Variants in PTPA observed in about 807,000 individuals in gnomAD.
PTPA encodes protein phosphatase 2 phosphatase activator.
A neutral mutation model predicts 43.6 loss-of-function variants in PTPA; 13 were observed. That is an observed-to-expected ratio of 0.30 (90% confidence interval 0.19 to 0.47). The LOEUF (loss-of-function observed/expected upper bound fraction) is 0.47, where lower values mean the gene tolerates loss of function less well. Among genes scored for constraint, PTPA ranks in the 20% least tolerant of loss-of-function variants. The pLI is 0.99. For missense variants in PTPA, 329 were observed against 411.9 expected (o/e 0.80, Z 1.74); for synonymous variants, 172 against 158.2 (o/e 1.09, Z -0.66).
intron 8 of PTPA, among the ~76,000 whole-genome samples, chr9:129,140,555 T>A (rs1361376389): frequency 6.6e-6 from 1 of 152,220 alleles, no homozygotes. Context: ...TAGGCGAGGC[T>A]GGCCAGGAGG....
chr9:129,110,954 A>T (rs540751666), upstream of PTPA: 2 of 1,361,010 alleles, frequency 1.5e-6, no homozygotes, highest in East Asian at 9.0e-5. This position sits in a 1 kb window ranked among gnomAD's most constrained non-coding sequence, Gnocchi z 5.3. Context: ...CGAGTCATTG[A>T]GACCTGTGGA....
At chr9:129,127,411 T>C (rs2541166) in intron 3 of PTPA, among the ~76,000 whole-genome samples, 151,723 of 152,342 alleles carry the variant, frequency 1, 75,560 homozygotes, top group Middle Eastern at 1. Context: ...CTGCTAGTTC[T>C]TACCCAGTGC....
chr9:129,140,503 G>A (rs559031022), intron 8 of PTPA, among the ~76,000 whole-genome samples: 6 of 152,342 alleles, frequency 3.9e-5, no homozygotes, highest in African/African-American at 1.2e-4. Flanking sequence ...CCTAGCCCTG[G>A]CTCTGCCAGA....
At position 129,120,709 on chromosome 9, in the gene PTPA, G is replaced by T. The variant is rs1180216000; in HGVS notation, c.129+99G>T. On this transcript the variant is annotated intron_variant, in intron 2 of 9. Transcript: ENST00000393370. ...GTTCCTGGCCCTTCTTGCTCTTGGA[G>T]CCTGACTTTTCAGAAGCTAGGGAGA... 3 of 1,049,734 alleles carry T rather than the reference G, an allele frequency of 2.9e-6. No homozygotes were observed. In the Admixed American group the frequency reaches 6.8e-5, roughly 24 times the overall value. 65.0% of individuals were successfully genotyped at this position (1,049,734 alleles called of 1,614,324 possible).
chr9:129,112,380 A>G (rs1449601142), intron 1 of PTPA, among the ~76,000 whole-genome samples: 1 of 152,222 alleles, frequency 6.6e-6, no homozygotes, highest in Admixed American at 6.5e-5. Context: ...AGGACTGGCC[A>G]TAGATAACTT....
At chr9:129,146,325 C>T (rs951588656) in intron 9 of PTPA, among the ~76,000 whole-genome samples, 2 of 152,194 alleles carry the variant, frequency 1.3e-5, no homozygotes, top group Non-Finnish European at 2.9e-5. Flanking sequence ...TCTTTCCCTC[C>T]CCTCCTGGCG....
chr9:129,119,171 A>T (rs1192028107), intron 1 of PTPA: 3 of 159,940 alleles, frequency 1.9e-5, no homozygotes, highest in South Asian at 1.4e-4. Context: ...TAATTTTTAA[A>T]TTTTTTTTGT....
intron 4 of PTPA, 111 bp from the exon 5 acceptor site, chr9:129,131,411 G>A: frequency 1.1e-6 from 1 of 873,670 alleles, no homozygotes; most frequent in Non-Finnish European, 1.9e-6. Flanking sequence ...CAGGAACCAA[G>A]CTGGCCTGGC....
In PTPA at chr9:129,142,512, C is replaced by T. The variant is rs759936481; in HGVS notation, c.854C>T (p.Ser285Phe). The change falls in exon 9 of 10, where the codon TCC becomes TTC. Residue 285 changes from serine (S) to phenylalanine (F), a missense_variant. Coordinates refer to ENST00000393370, the MANE Select transcript of PTPA (RefSeq NM_178000.3). The stretch of plus-strand genomic sequence containing the variant: ...AACATCAGCGCCGTCCCTTCCTGGT[C>T]CAAAGTGAACCAGGGTCTCATCCGC... ...LWNISAVPSW[S>F]KVNQGLIRMY... 1.9e-6 allele frequency: 3 copies of T among 1,613,666 alleles called. No individual in the cohort carries two copies. The highest frequency in any genetic ancestry group is 2.5e-6 in the Non-Finnish European group (3 of 1,179,740).
At chr9:129,147,021 C>T (rs1851348881) in intron 9 of PTPA, among the ~76,000 whole-genome samples, 1 of 152,202 alleles carries the variant, frequency 6.6e-6, no homozygotes, top group Non-Finnish European at 1.5e-5. Flanking sequence ...TCAAATGTCC[C>T]CACGTCTCTT....
chr9:129,111,924 CTT>C (rs751919230), intron 1 of PTPA: 5 of 572,908 alleles, frequency 8.7e-6, no homozygotes, highest in Non-Finnish European at 1.3e-5. Flanking sequence ...ATAAGGGGGC[CTT>C]TTGCATCTCT....
intron 1 of PTPA, among the ~76,000 whole-genome samples, chr9:129,115,137 C>T (rs1397181385): frequency 6.6e-6 from 1 of 152,146 alleles, no homozygotes; most frequent in East Asian, 1.9e-4. Flanking sequence ...TATAAAAGGG[C>T]TGTATGTTCC....
intron 2 of PTPA, 90 bp from the exon 3 acceptor site, chr9:129,122,962 C>A: frequency 4.1e-6 from 4 of 980,896 alleles, no homozygotes; most frequent in Non-Finnish European, 4.7e-6. Flanking sequence ...AAGCTCGGAG[C>A]TCTTTGGTAA....
intron 8 of PTPA, chr9:129,139,936 C>G (rs926647566): frequency 6.6e-6 from 1 of 152,156 alleles, no homozygotes; most frequent in African/African-American, 2.4e-5. Context: ...CTTTAAGAGC[C>G]CAGGGCAGGC....
intron 1 of PTPA, among the ~76,000 whole-genome samples, chr9:129,115,762 C>A (rs960654589): frequency 6.6e-6 from 1 of 151,774 alleles, no homozygotes; most frequent in African/African-American, 2.4e-5. Flanking sequence ...GCCTCAGCCT[C>A]CCGAGTAGCT....
At chr9:129,120,997 C>T (rs1849216609) in intron 2 of PTPA, among the ~76,000 whole-genome samples, 2 of 152,174 alleles carry the variant, frequency 1.3e-5, no homozygotes, top group East Asian at 1.9e-4. Flanking sequence ...AAGAGGCTAT[C>T]TCATGGAAAC....
At chr9:129,142,321 A>C in intron 8 of PTPA, 124 bp from the exon 9 acceptor site, 1 of 859,072 alleles carries the variant, frequency 1.2e-6, no homozygotes, top group Non-Finnish European at 1.8e-6. Context: ...CTGCGCGTGC[A>C]TTGTGTGCGT....
chr9:129,129,270 A>T (rs532231896), intron 4 of PTPA, among the ~76,000 whole-genome samples, 160 bp downstream of exon 4: 57 of 152,128 alleles, frequency 3.7e-4, no homozygotes, highest in Non-Finnish European at 7.5e-4. Context: ...ATGAGTTTAT[A>T]CTCTGCTTGG....
At chr9:129,111,244 C>G (rs896048127), upstream of PTPA, 6 of 1,150,994 alleles carry the variant, frequency 5.2e-6, no homozygotes, top group African/African-American at 1.0e-4. Flanking sequence ...ACGCCCCGCA[C>G]AATCGTGGCA....
Sources: allele counts gnomAD v4.1 joint callset (sites outside exome capture counted in the v4.1 genomes callset), GRCh38; gene constraint gnomAD v4.1.1; non-coding constraint Gnocchi (gnomAD v3.1); transcripts MANE v1.5; gene names NCBI Gene and HGNC (gene_info 2026-07-23, HGNC 2026-07-21).